CACNA2D1: variants seen among roughly 807,000 people sequenced by gnomAD.
The protein encoded by CACNA2D1 is calcium voltage-gated channel auxiliary subunit alpha2delta 1.
Under a neutral mutation model 171.5 loss-of-function variants are expected in CACNA2D1, and 53 were observed. The observed-to-expected ratio is 0.31, with a 90% CI of 0.25 to 0.39. CACNA2D1 has a LOEUF of 0.39. Among genes scored for constraint, CACNA2D1 ranks in the 10% least tolerant of loss-of-function variants. CACNA2D1 has a pLI of 1.00. For missense variants in CACNA2D1, 903 were observed against 1,299.8 expected (o/e 0.69, Z 4.69); for synonymous variants, 442 against 443.1 (o/e 1.00, Z 0.03).
chr7:82,357,227 G>A (rs1359558741), intron 1 of CACNA2D1, among the ~76,000 whole-genome samples: 1 of 152,074 alleles, frequency 6.6e-6, no homozygotes, highest in Non-Finnish European at 1.5e-5. Context: ...AAAGAGTAGT[G>A]CAGTGTATAG....
chr7:82,080,997 G>A (rs979951928), intron 7 of CACNA2D1, among the ~76,000 whole-genome samples: 12 of 152,164 alleles, frequency 7.9e-5, no homozygotes, highest in South Asian at 2.1e-4. Context: ...GATAAAATGA[G>A]GAGTTATTAA....
rs1165774769 is a variant in CACNA2D1 at position 81,948,149 on chromosome 7, T to C, written c.*2243A>G. Reference sequence around the variant, plus strand: ...AGCAATTCAATTGTTTTAATGTGCATTGTTTATATACACAAACTAACAATT... The same window carrying C: ...AGCAATTCAATTGTTTTAATGTGCACTGTTTATATACACAAACTAACAATT... On this transcript the variant is annotated 3_prime_UTR_variant, in exon 39 of 39. Transcript: ENST00000356860. 6.6e-6 allele frequency: 1 copy of C among 151,880 alleles called. No individual in the cohort carries two copies. The highest frequency in any genetic ancestry group is 1.5e-5 in the Non-Finnish European group (1 of 67,814). The allele number at this position is 151,880 out of a possible 1,614,324, so 9.4% of individuals were successfully genotyped here. A position where few individuals can be genotyped will look rare whatever the true frequency, so the allele number is the denominator to read the frequency against.
At chr7:82,147,599 C>A (rs1793295109) in intron 4 of CACNA2D1, among the ~76,000 whole-genome samples, 1 of 152,126 alleles carries the variant, frequency 6.6e-6, no homozygotes, top group Admixed American at 6.5e-5. Context: ...CCCCACAGAT[C>A]TTCTTGACTC....
intron 5 of CACNA2D1, among the ~76,000 whole-genome samples, chr7:82,126,516 T>C (rs1790352873): frequency 6.6e-6 from 1 of 152,228 alleles, no homozygotes. Context: ...CTCAACTTTT[T>C]TTTATTAATA....
chr7:82,242,860 A>ATTTT (rs1412816472), intron 3 of CACNA2D1, among the ~76,000 whole-genome samples: 17 of 152,250 alleles, frequency 1.1e-4, no homozygotes, highest in Non-Finnish European at 1.8e-4. Flanking sequence ...GCAAGAAAAA[A>ATTTT]TGTATTTTGT....
intron 3 of CACNA2D1, among the ~76,000 whole-genome samples, chr7:82,277,776 C>A (rs6969408): frequency 0.2 from 27,934 of 141,956 alleles, 3,177 homozygotes; most frequent in Non-Finnish European, 0.25. Context: ...GATGGAGTCT[C>A]GCCCTGTCGC....
chr7:82,282,984 AT>A (rs1045038510), intron 3 of CACNA2D1, among the ~76,000 whole-genome samples: 25 of 152,262 alleles, frequency 1.6e-4, no homozygotes, highest in Non-Finnish European at 3.2e-4. Context: ...TGCATTCAGA[AT>A]TTTTCAAATA....
intron 6 of CACNA2D1, among the ~76,000 whole-genome samples, chr7:82,088,937 C>G (rs117641485): frequency 6.6e-6 from 1 of 151,776 alleles, no homozygotes; most frequent in Non-Finnish European, 1.5e-5. Flanking sequence ...ACCTAGATCA[C>G]GCACATGTGC....
rs542171345 is a variant in CACNA2D1, at chr7:82,249,893, T to C, written c.295-79284A>G. ...GAGAAGGGGGGAAATAGGAAAATGA[T>C]TGGTGAGTAGGTGTCTTAGTCCATT... On this transcript the variant is annotated intron_variant, in intron 3 of 38. Transcript: ENST00000356860. Among the ~76,000 whole-genome samples the C allele has an allele frequency of 2.0e-5, 3 of 152,292 alleles. No homozygotes were observed. In the East Asian group the frequency reaches 5.8e-4, roughly 29 times the overall value.
chr7:82,128,861 G>A (rs1790640792), intron 5 of CACNA2D1, among the ~76,000 whole-genome samples: 1 of 151,994 alleles, frequency 6.6e-6, no homozygotes, highest in East Asian at 1.9e-4. Context: ...GTTCTGAGGA[G>A]TCTATCTTGT....
At chr7:82,199,146 T>G (rs927058816) in intron 3 of CACNA2D1, among the ~76,000 whole-genome samples, 3 of 152,180 alleles carry the variant, frequency 2.0e-5, no homozygotes, top group African/African-American at 7.2e-5. Flanking sequence ...ATACTTTTAT[T>G]TTCACATATT....
At chr7:82,279,486 T>C (rs893254312) in intron 3 of CACNA2D1, among the ~76,000 whole-genome samples, 1 of 152,194 alleles carries the variant, frequency 6.6e-6, no homozygotes, top group Non-Finnish European at 1.5e-5. Flanking sequence ...GACTGGCTAA[T>C]AATGTTTTCT....
chr7:82,144,960 T>C (rs957019995), intron 4 of CACNA2D1, among the ~76,000 whole-genome samples: 6 of 151,998 alleles, frequency 3.9e-5, no homozygotes, highest in East Asian at 1.9e-4. Context: ...CATTCTTTCA[T>C]ACGAATAAAT....
At chr7:82,302,956 G>C (rs1317749907) in intron 3 of CACNA2D1, among the ~76,000 whole-genome samples, 2 of 152,140 alleles carry the variant, frequency 1.3e-5, no homozygotes, top group Non-Finnish European at 2.9e-5. Context: ...TGATATGTTG[G>C]AGAAATGACA....
chr7:82,081,502 TC>T (rs975381306), intron 7 of CACNA2D1, among the ~76,000 whole-genome samples: 3 of 152,224 alleles, frequency 2.0e-5, no homozygotes, highest in Non-Finnish European at 4.4e-5. Context: ...TCAAGTGTAT[TC>T]CCTAGCAGTC....
At chr7:82,277,082 C>T (rs532946908) in intron 3 of CACNA2D1, among the ~76,000 whole-genome samples, 2 of 152,082 alleles carry the variant, frequency 1.3e-5, no homozygotes, top group South Asian at 4.2e-4. Flanking sequence ...TTATGTTTGG[C>T]CATTTAGAGA....
At chr7:81,988,304 G>C (rs1400012195) in intron 21 of CACNA2D1, among the ~76,000 whole-genome samples, 1 of 152,052 alleles carries the variant, frequency 6.6e-6, no homozygotes, top group Non-Finnish European at 1.5e-5. Context: ...GAAGAGGGAG[G>C]AAAAAGAGTA....
chr7:82,160,030 T>C (rs1404625609), intron 4 of CACNA2D1, among the ~76,000 whole-genome samples: 4 of 151,708 alleles, frequency 2.6e-5, no homozygotes, highest in Non-Finnish European at 5.9e-5. Flanking sequence ...AGATGTATTA[T>C]TCCTACTTCA....
chr7:82,053,157 C>T (rs1805397871), intron 10 of CACNA2D1, among the ~76,000 whole-genome samples: 1 of 147,826 alleles, frequency 6.8e-6, no homozygotes, highest in South Asian at 2.1e-4. Context: ...GAGGCTGAGG[C>T]AGGAGAATGG....
Sources: allele counts gnomAD v4.1 joint callset (sites outside exome capture counted in the v4.1 genomes callset), GRCh38; gene constraint gnomAD v4.1.1; transcripts MANE v1.5; gene names NCBI Gene and HGNC (gene_info 2026-07-23, HGNC 2026-07-21).